Variants in FBN2 observed in about 807,000 individuals in gnomAD.
FBN2 encodes the protein fibrillin-2.
FBN2 carries 105 observed loss-of-function variants against 355.6 expected under a neutral mutation model. The observed-to-expected ratio is 0.30, with a 90% CI of 0.25 to 0.35. The LOEUF (loss-of-function observed/expected upper bound fraction) is 0.35. FBN2 is among the 10% of genes least tolerant of loss of function. The pLI, the probability that FBN2 is intolerant of heterozygous loss-of-function variation, is 1.00. For synonymous variants in FBN2, 1,350 were observed against 1,301.2 expected (o/e 1.04, Z -0.81); for missense variants, 3,280 against 3,758.7 (o/e 0.87, Z 3.33).
intron 5 of FBN2, among the ~76,000 whole-genome samples, chr5:128,505,762 T>C (rs1755940869): frequency 6.6e-6 from 1 of 152,218 alleles, no homozygotes. Context: ...TCAGCCTAAA[T>C]AATTTAAGGT....
At chr5:128,260,795 T>C (rs989513219) in intron 64 of FBN2, among the ~76,000 whole-genome samples, 1 of 146,542 alleles carries the variant, frequency 6.8e-6, no homozygotes, top group Non-Finnish European at 1.5e-5. Flanking sequence ...CCCAAAAAAC[T>C]GAAGCAAGTT....
At chr5:128,447,318 C>T (rs1054495676) in intron 6 of FBN2, among the ~76,000 whole-genome samples, 1 of 152,132 alleles carries the variant, frequency 6.6e-6, no homozygotes, top group Non-Finnish European at 1.5e-5. Context: ...AGAAATATCG[C>T]TGAATTCGTT....
chr5:128,490,569 T>A (rs895819332), intron 5 of FBN2, among the ~76,000 whole-genome samples: 2 of 152,216 alleles, frequency 1.3e-5, no homozygotes, highest in African/African-American at 4.8e-5. Flanking sequence ...ATATCAAGTA[T>A]ATATAGTAAT....
chr5:128,484,018 G>A (rs1439942299), intron 5 of FBN2, among the ~76,000 whole-genome samples: 6 of 152,036 alleles, frequency 3.9e-5, no homozygotes, highest in Non-Finnish European at 8.8e-5. Context: ...TCCAGAAAGC[G>A]AATTACATAT....
At chr5:128,383,838 T>TA (rs1336871479) in intron 11 of FBN2, among the ~76,000 whole-genome samples, 1 of 152,124 alleles carries the variant, frequency 6.6e-6, no homozygotes, top group Non-Finnish European at 1.5e-5. Context: ...GAGTAACTGA[T>TA]ACTCTCATAC....
intron 5 of FBN2, among the ~76,000 whole-genome samples, chr5:128,508,336 T>C (rs1256240389): frequency 6.6e-6 from 1 of 152,024 alleles, no homozygotes; most frequent in Non-Finnish European, 1.5e-5. Flanking sequence ...TAATCATTTG[T>C]TCTTCTTACC....
intron 13 of FBN2, 49 bp downstream of exon 13, chr5:128,377,703 A>G (rs751210226): frequency 6.3e-7 from 1 of 1,595,198 alleles, no homozygotes. Flanking sequence ...CTAAATAAAA[A>G]TGTATATCCT....
At chr5:128,341,410 G>A (rs983433362) in intron 25 of FBN2, among the ~76,000 whole-genome samples, 2 of 152,166 alleles carry the variant, frequency 1.3e-5, no homozygotes, top group Non-Finnish European at 2.9e-5. Flanking sequence ...GGAGGAGTCT[G>A]TGATACAGTA....
intron 48 of FBN2, among the ~76,000 whole-genome samples, chr5:128,295,552 A>G (rs1330024785): frequency 2.1e-5 from 3 of 142,964 alleles, no homozygotes; most frequent in African/African-American, 2.8e-5. Flanking sequence ...GGTCCTTCAC[A>G]TCCCTTGTAA....
chr5:128,380,465 T>C (rs1223846794), intron 11 of FBN2, among the ~76,000 whole-genome samples: 2 of 152,078 alleles, frequency 1.3e-5, no homozygotes, highest in African/African-American at 4.8e-5. Context: ...AGGACTGTTT[T>C]CTCCCCTGGA....
At chr5:128,382,130 AAAAT>A (rs1752249396) in intron 11 of FBN2, among the ~76,000 whole-genome samples, 1 of 152,034 alleles carries the variant, frequency 6.6e-6, no homozygotes, top group South Asian at 2.1e-4. Context: ...ATGAATAAAT[AAAAT>A]AACCTCAAAA....
Position 128,361,158 on chromosome 5 carries a change from C to G in FBN2, c.2554+565G>C, listed in dbSNP as rs150146334. ...ATGTGATTAGAAGAAAACAAAGAAGCTTTTAAACACTAGTTATGGTCTATA... is the reference window on the plus strand; with the variant it reads ...ATGTGATTAGAAGAAAACAAAGAAGGTTTTAAACACTAGTTATGGTCTATA... On this transcript the variant is annotated intron_variant, in intron 19 of 64. Transcript: ENST00000262464. Among the ~76,000 whole-genome samples, 166 of 152,226 alleles carry G rather than the reference C, an allele frequency of 1.1e-3. 2 individuals are homozygous for G. The highest frequency in any genetic ancestry group is 4.0e-3 in the African/African-American group (165 of 41,534).
At chr5:128,276,799 G>A (rs925073154) in intron 58 of FBN2, among the ~76,000 whole-genome samples, 1 of 152,168 alleles carries the variant, frequency 6.6e-6, no homozygotes, top group African/African-American at 2.4e-5. Context: ...TCTTTTTCTA[G>A]GTTCCAATAA....
intron 40 of FBN2, 120 bp from the exon 41 acceptor site, chr5:128,309,519 C>G: frequency 2.6e-6 from 2 of 773,540 alleles, no homozygotes. Context: ...CCTTTTTAGT[C>G]ATTTGAAGCT....
At chr5:128,267,039 G>A (rs1045683539) in intron 62 of FBN2, among the ~76,000 whole-genome samples, 2 of 150,012 alleles carry the variant, frequency 1.3e-5, no homozygotes, top group Non-Finnish European at 2.9e-5. Context: ...ATGTGTTCTC[G>A]TTGTTCAGCT....
At chr5:128,479,745 G>A (rs996616456) in intron 5 of FBN2, among the ~76,000 whole-genome samples, 11 of 151,822 alleles carry the variant, frequency 7.2e-5, no homozygotes, top group African/African-American at 2.7e-4. Context: ...TGGGCAACAC[G>A]GCAAGACTCC....
rs1581200068 is a variant in FBN2 at position 128,301,082 on chromosome 5, T to C, written c.6047-146A>G. ...CATGAACAAATATTACCAAAGATAC[T>C]CTTCTGACATCTTGGATATTTCTTA... On this transcript the variant is annotated intron_variant, in intron 47 of 64. Coordinates refer to ENST00000262464, the MANE Select transcript of FBN2 (RefSeq NM_001999.4). 3 of 748,298 alleles carry C rather than the reference T, an allele frequency of 4.0e-6. No homozygotes were observed. In the East Asian group the frequency reaches 8.0e-5, roughly 20 times the overall value. 46.4% of individuals were successfully genotyped at this position (748,298 alleles called of 1,614,324 possible).
At chr5:128,414,883 G>A (rs549127790) in intron 7 of FBN2, among the ~76,000 whole-genome samples, 37 of 152,094 alleles carry the variant, frequency 2.4e-4, no homozygotes, top group African/African-American at 8.9e-4. Flanking sequence ...TAATAATGAT[G>A]AGCATATTTT....
Position 128,393,144 on chromosome 5 carries a change from T to A in FBN2, c.1456A>T (p.Thr486Ser), listed in dbSNP as rs1331121523. Residue 486 changes from threonine to serine, a missense_variant, in exon 10 of 65, where the codon ACT (threonine) becomes TCT (serine). Transcript: ENST00000262464. ...AAAACTGACCACTTACTTAGTCCAG[T>A]GATGATAGGTCCCTGTCCCCCGGCC... ...VGAGGQGPII[T>S]GLTILNQTID... The A allele has an allele frequency of 8.1e-6, 13 of 1,612,958 alleles. No individual in the cohort carries two copies. The highest frequency in any genetic ancestry group is 1.0e-5 in the Non-Finnish European group (12 of 1,179,048).
Sources: allele counts gnomAD v4.1 joint callset (sites outside exome capture counted in the v4.1 genomes callset), GRCh38; gene constraint gnomAD v4.1.1; transcripts MANE v1.5; gene names NCBI Gene and HGNC (gene_info 2026-07-23, HGNC 2026-07-21).